HEATR5A: variants seen among roughly 807,000 people sequenced by gnomAD.
The protein encoded by HEATR5A is HEAT repeat-containing protein 5A.
HEATR5A carries 178 observed loss-of-function variants against 218.8 expected under a neutral mutation model. The ratio of observed to expected loss-of-function variants is 0.81; its 90% confidence interval spans 0.72 to 0.92. The LOEUF (loss-of-function observed/expected upper bound fraction) is 0.92, where lower values mean the gene tolerates loss of function less well. HEATR5A is among the 40% of genes least tolerant of loss of function. HEATR5A has a pLI of 0.00. For synonymous variants in HEATR5A, 864 were observed against 871.6 expected, an observed-to-expected ratio of 0.99 and a Z score of 0.15; for missense variants, 2,420 against 2,418.9, an observed-to-expected ratio of 1.00 and a Z score of -0.01.
chr14:31,324,842 T>C (rs1595097887), intron 23 of HEATR5A, among the ~76,000 whole-genome samples: 2 of 152,086 alleles, frequency 1.3e-5, no homozygotes, highest in Admixed American at 6.6e-5. Flanking sequence ...AAATAAAATA[T>C]GTAAAGCGTA....
At chr14:31,417,341 C>T (rs114170906) in intron 1 of HEATR5A, among the ~76,000 whole-genome samples, 2,789 of 152,200 alleles carry the variant, frequency 0.018, 81 homozygotes, top group African/African-American at 0.064. Flanking sequence ...ACGCGGATCA[C>T]GAGGTCAGAA....
intron 17 of HEATR5A, 31 bp downstream of exon 17, chr14:31,350,581 C>T (rs1246555075): frequency 4.0e-6 from 5 of 1,235,326 alleles, no homozygotes; most frequent in Non-Finnish European, 3.4e-6. Context: ...AAAAATGAAG[C>T]CAACATTTAA....
rs556296341 is a variant in HEATR5A at position 31,375,939 on chromosome 14, G to C, written c.1709-971C>G. Among the ~76,000 whole-genome samples, 4 of 152,122 alleles carry C rather than the reference G, an allele frequency of 2.6e-5. No individual in the cohort carries two copies. In the East Asian group the frequency reaches 5.8e-4, roughly 22 times the overall value. ...CCCAGGTACTTTTCTTTAAATTTCT[G>C]GAGTTACTTTAAACTTCTCCAGTAA... On this transcript the variant is annotated intron_variant, in intron 11 of 35. Transcript: ENST00000543095.
chr14:31,307,321 A>G (rs1899586598), intron 30 of HEATR5A, among the ~76,000 whole-genome samples: 1 of 152,236 alleles, frequency 6.6e-6, no homozygotes, highest in Non-Finnish European at 1.5e-5. Context: ...TATCTGCCCA[A>G]TGCATACTTG....
intron 1 of HEATR5A, among the ~76,000 whole-genome samples, chr14:31,407,598 A>ATATATATATATATT (rs2031122111): frequency 1.8e-3 from 1 of 550 alleles, no homozygotes; most frequent in African/African-American, 3.6e-3. Context: ...ATATATATAT[A>ATATATATATATATT]TATATATATA....
At chr14:31,320,766 C>T (rs1566752934) in intron 25 of HEATR5A, 1 of 340,720 alleles carries the variant, frequency 2.9e-6, no homozygotes, top group South Asian at 2.4e-5. Context: ...TTTTTTCCCC[C>T]TCTCTGGAGA....
At chr14:31,415,045 G>A (rs999183097) in intron 1 of HEATR5A, among the ~76,000 whole-genome samples, 3 of 152,144 alleles carry the variant, frequency 2.0e-5, no homozygotes, top group Non-Finnish European at 4.4e-5. Context: ...TCACCATGTT[G>A]GTCAGGCTGG....
chr14:31,394,598 G>A (rs2030579510), intron 5 of HEATR5A, among the ~76,000 whole-genome samples: 3 of 152,082 alleles, frequency 2.0e-5, no homozygotes, highest in South Asian at 2.1e-4. Flanking sequence ...GGCGGATCAC[G>A]AGGTCAGGAG....
At chr14:31,307,825 A>G in intron 30 of HEATR5A, 68 bp downstream of exon 30, 1 of 1,541,072 alleles carries the variant, frequency 6.5e-7, no homozygotes, top group South Asian at 1.2e-5. Context: ...TTAACTATAG[A>G]AACCTGAACA....
At position 31,315,905 on chromosome 14, in the gene HEATR5A, ATTAAGGTCAC is replaced by A; in HGVS notation, c.4073_4082del (p.Ser1358MetfsTer14). 6.3e-7 allele frequency: 1 copy of A among 1,580,476 alleles called. No homozygotes were observed. The highest frequency in any genetic ancestry group is 8.6e-7 in the Non-Finnish European group (1 of 1,162,342). ...GCAACTGATGAACTCTTCGGAGATC[ATTAAGGTCAC>A]TTACAACTCCACTTGCTATCCAGGC... On this transcript the variant is annotated frameshift_variant, in exon 27 of 36. Transcript: ENST00000543095. LOFTEE classifies it high-confidence loss of function.
At chr14:31,388,343 CTT>C (rs941852667) in intron 7 of HEATR5A, among the ~76,000 whole-genome samples, 4 of 152,128 alleles carry the variant, frequency 2.6e-5, no homozygotes, top group Non-Finnish European at 2.9e-5. Context: ...GCAGATATCT[CTT>C]TGTTTTATTG....
chr14:31,393,396 G>A (rs569299512), intron 6 of HEATR5A, among the ~76,000 whole-genome samples: 14 of 152,156 alleles, frequency 9.2e-5, no homozygotes, highest in African/African-American at 3.4e-4. Context: ...CTGTGGTCCC[G>A]CCTACTCAGG....
rs780723811 is a variant in HEATR5A at position 31,309,061 on chromosome 14, G to A, written c.4563C>T (p.Asp1521=). 4.3e-5 allele frequency: 70 copies of A among 1,613,788 alleles called. 1 individual carries two copies. The South Asian group carries it at 5.2e-4, about 12-fold the overall frequency. ...AGAGATTAGATGCTCCTTCATCTGG[G>A]TCAGCAACAACAAAACCCGTGCTTG... The part of the protein sequence containing the change: ...WLTSTGFVVA[D]PDEGASNLSR... Residue 1521 remains aspartate (D), a synonymous_variant, in exon 29 of 36, where the codon GAC becomes GAT. Coordinates refer to ENST00000543095, the MANE Select transcript of HEATR5A (RefSeq NM_015473.4).
rs116988535 is a variant in HEATR5A at position 31,354,993 on chromosome 14, A to T, written c.2411+3644T>A. Reference sequence around the variant, plus strand: ...ACCACCATAGTATGCATACCATACTAATCAGGATCTTCAGTATCTTAAAAA... The same window carrying T: ...ACCACCATAGTATGCATACCATACTTATCAGGATCTTCAGTATCTTAAAAA... On this transcript the variant is annotated intron_variant, in intron 16 of 35. Transcript: ENST00000543095. Among the ~76,000 whole-genome samples the T allele has an allele frequency of 3.0e-3, 452 of 152,348 alleles. 13 individuals carry two copies. The East Asian group carries it at 0.064, about 22-fold the overall frequency.
intron 1 of HEATR5A, among the ~76,000 whole-genome samples, chr14:31,407,602 A>ATATT (rs1271403783): frequency 2.1e-3 from 2 of 966 alleles, no homozygotes; most frequent in African/African-American, 3.8e-3. Flanking sequence ...ATATATATAT[A>ATATT]TATATATATA....
At chr14:31,312,928 C>T in intron 28 of HEATR5A, 40 bp downstream of exon 28, 1 of 1,433,614 alleles carries the variant, frequency 7.0e-7, no homozygotes, top group Non-Finnish European at 9.7e-7. Flanking sequence ...AAATGTGTTA[C>T]TGTCACTCTA....
Position 31,369,487 on chromosome 14 carries a change from C to T in HEATR5A, c.1961+2323G>A, listed in dbSNP as rs182988468. Among the ~76,000 whole-genome samples the T allele has an allele frequency of 2.0e-5, 3 of 151,794 alleles. No homozygotes were observed. The East Asian group carries it at 5.8e-4, about 29-fold the overall frequency. ...AATTAGCCAGGCATAGTGGTGCATGCCTATAATCCCTTACTGGGGAGACCG... is the reference window on the plus strand; with the variant it reads ...AATTAGCCAGGCATAGTGGTGCATGTCTATAATCCCTTACTGGGGAGACCG... On this transcript the variant is annotated intron_variant, in intron 13 of 35. Coordinates refer to ENST00000543095, the MANE Select transcript of HEATR5A (RefSeq NM_015473.4).
chr14:31,326,857 C>G (rs1452011419), intron 22 of HEATR5A, among the ~76,000 whole-genome samples: 1 of 152,022 alleles, frequency 6.6e-6, no homozygotes, highest in Non-Finnish European at 1.5e-5. Context: ...GTTGCCCAGG[C>G]TGGTCTCAAA....
intron 30 of HEATR5A, among the ~76,000 whole-genome samples, chr14:31,307,106 C>G (rs914986604): frequency 4.6e-5 from 7 of 152,166 alleles, no homozygotes; most frequent in African/African-American, 1.7e-4. Flanking sequence ...GAGTGGATTA[C>G]TTGAGGCCAG....
Sources: gnomAD v4.1 joint callset for allele counts (sites outside exome capture counted in the v4.1 genomes callset) on GRCh38, gnomAD v4.1.1 for gene constraint, MANE v1.5 for transcripts, NCBI Gene and HGNC (gene_info 2026-07-23, HGNC 2026-07-21) for gene names.